Variants in ROBO2 observed in about 807,000 individuals in gnomAD.
The protein encoded by ROBO2 is roundabout homolog 2.
Under a neutral mutation model 160.8 loss-of-function variants are expected in ROBO2, and 53 were observed. The ratio of observed to expected loss-of-function variants is 0.33; its 90% CI spans 0.26 to 0.41. The LOEUF is 0.41. ROBO2 is among the 10% of genes least tolerant of loss of function. The pLI is 1.00. For synonymous variants in ROBO2, 664 were observed against 611.7 expected (o/e 1.09, Z -1.26); for missense variants, 1,577 against 1,722.4 (o/e 0.92, Z 1.49).
chr3:76,216,992 C>A (rs1461058470), intron 2 of ROBO2, among the ~76,000 whole-genome samples: 2 of 152,148 alleles, frequency 1.3e-5, no homozygotes, highest in African/African-American at 4.8e-5. Context: ...AACTAGAACT[C>A]AGGATTAAGA....
At chr3:76,220,068 A>G (rs1427810889) in intron 2 of ROBO2, among the ~76,000 whole-genome samples, 1 of 151,552 alleles carries the variant, frequency 6.6e-6, no homozygotes, top group African/African-American at 2.4e-5. Flanking sequence ...TCAGCAAACT[A>G]TGGCAAGGAC....
At chr3:76,730,014 A>T (rs1393798538) in intron 2 of ROBO2, among the ~76,000 whole-genome samples, 1 of 152,090 alleles carries the variant, frequency 6.6e-6, no homozygotes, top group Admixed American at 6.5e-5. Context: ...TTACTTTCTT[A>T]GTTTGGGAAT....
rs549502321 is a variant in ROBO2, at chr3:76,844,835, C to T, written c.110-253179C>T. On this transcript the variant is annotated intron_variant, in intron 2 of 26. Transcript: ENST00000487694. ...TTTATAAAATTGCAAAATAAAGATG[C>T]ATTTACTACATATGAAAAATCAACA... Among the ~76,000 whole-genome samples the T allele has an allele frequency of 2.6e-4, 39 of 151,918 alleles. 2 individuals are homozygous for T. In the South Asian group the frequency reaches 7.7e-3, roughly 30 times the overall value.
At chr3:76,619,949 T>A (rs945401242) in intron 2 of ROBO2, among the ~76,000 whole-genome samples, 2 of 151,992 alleles carry the variant, frequency 1.3e-5, no homozygotes, top group African/African-American at 4.8e-5. Flanking sequence ...TTAATAATAA[T>A]AAAAAATAAT....
At chr3:77,107,718 G>A (rs139960193) in intron 2 of ROBO2, among the ~76,000 whole-genome samples, 95 of 152,246 alleles carry the variant, frequency 6.2e-4, no homozygotes, top group African/African-American at 2.1e-3. Flanking sequence ...ACCAAGGAAC[G>A]AATGTGCCTC....
At chr3:75,946,751 G>T (rs1041107743) in intron 2 of ROBO2, among the ~76,000 whole-genome samples, 1 of 152,070 alleles carries the variant, frequency 6.6e-6, no homozygotes, top group Non-Finnish European at 1.5e-5. Context: ...AGTTTGGCTG[G>T]AATGTCCATG....
intron 6 of ROBO2, among the ~76,000 whole-genome samples, chr3:77,535,083 G>A (rs1261831384): frequency 6.6e-6 from 1 of 152,162 alleles, no homozygotes; most frequent in African/African-American, 2.4e-5. Context: ...CTAGGATGGT[G>A]ACTTACTAAG....
chr3:76,649,452 G>T (rs1334567393), intron 2 of ROBO2, among the ~76,000 whole-genome samples: 15 of 151,848 alleles, frequency 9.9e-5, no homozygotes, highest in Admixed American at 4.6e-4. Context: ...GTTGTTGCTG[G>T]TTTTTTTAGA....
intron 2 of ROBO2, among the ~76,000 whole-genome samples, chr3:76,731,717 C>T (rs774608): frequency 0.19 from 28,239 of 151,998 alleles, 2,745 homozygotes; most frequent in Non-Finnish European, 0.22. Context: ...ATCAAAGAGC[C>T]TGAACAAGAC....
At chr3:77,513,258 T>G (rs2089626350) in intron 5 of ROBO2, among the ~76,000 whole-genome samples, 1 of 151,828 alleles carries the variant, frequency 6.6e-6, no homozygotes, top group South Asian at 2.1e-4. Flanking sequence ...TTGTCTGAAT[T>G]ATATTCTTAA....
At chr3:77,289,960 C>A (rs1375052380) in intron 2 of ROBO2, among the ~76,000 whole-genome samples, 21 of 136,740 alleles carry the variant, frequency 1.5e-4, no homozygotes, top group South Asian at 7.2e-4. Flanking sequence ...TAGATCACCC[C>A]AGACATTAAG....
At chr3:76,612,261 A>G (rs1286067835) in intron 2 of ROBO2, among the ~76,000 whole-genome samples, 1 of 152,184 alleles carries the variant, frequency 6.6e-6, no homozygotes, top group African/African-American at 2.4e-5. Context: ...GTAAATATCC[A>G]TTGGGTCCAT....
exon 20 of ROBO2, chr3:77,602,274 T>C: frequency 1.2e-6 from 2 of 1,614,158 alleles, no homozygotes; most frequent in Non-Finnish European, 1.7e-6. Flanking sequence ...ATGGAGCCAT[T>C]TATAGTAGCA....
chr3:77,628,326 G>T (rs1457679678), intron 23 of ROBO2, among the ~76,000 whole-genome samples: 7 of 151,736 alleles, frequency 4.6e-5, no homozygotes, highest in Non-Finnish European at 8.8e-5. Context: ...TAATTTTCGT[G>T]TTTATACTTA....
chr3:77,016,503 C>T (rs2062268120), intron 2 of ROBO2, among the ~76,000 whole-genome samples: 1 of 152,080 alleles, frequency 6.6e-6, no homozygotes, highest in African/African-American at 2.4e-5. Context: ...TTTGTAAATC[C>T]AGCTTTTGGC....
chr3:76,325,060 G>T (rs555412561), intron 2 of ROBO2, among the ~76,000 whole-genome samples: 1 of 152,300 alleles, frequency 6.6e-6, no homozygotes, highest in African/African-American at 2.4e-5. Flanking sequence ...AGCAGAGATC[G>T]CACCACTGCA....
At chr3:76,312,038 A>G (rs1390219453) in intron 2 of ROBO2, among the ~76,000 whole-genome samples, 5 of 152,230 alleles carry the variant, frequency 3.3e-5, no homozygotes, top group Admixed American at 6.5e-5. Context: ...CAACCTTTCT[A>G]TAAAGTTCAG....
intron 2 of ROBO2, among the ~76,000 whole-genome samples, chr3:77,442,765 C>T (rs550608058): frequency 3.3e-5 from 5 of 152,244 alleles, no homozygotes; most frequent in African/African-American, 7.2e-5. Context: ...AAATTTGAAA[C>T]GCTAAATCAG....
rs1577499971 is a variant in ROBO2, at chr3:76,480,493, A to G, written c.109+542891A>G. ...ATCTTAGTCTATTGGGGTTGCTCTA[A>G]CAAGAATACCACAAACTGAGAGGTT... On this transcript the variant is annotated intron_variant, in intron 2 of 26. Transcript: ENST00000487694. Among the ~76,000 whole-genome samples, 5 of 152,250 alleles carry G rather than the reference A, an allele frequency of 3.3e-5. No individual in the cohort carries two copies. The South Asian group carries it at 1.0e-3, about 32-fold the overall frequency.
Sources: gnomAD v4.1 joint callset for allele counts (sites outside exome capture counted in the v4.1 genomes callset) on GRCh38, gnomAD v4.1.1 for gene constraint, MANE v1.5 for transcripts, NCBI Gene and HGNC (gene_info 2026-07-23, HGNC 2026-07-21) for gene names.